C19orf73: variants seen among roughly 807,000 people sequenced by gnomAD.
C19orf73 encodes putative uncharacterized protein C19orf73.
For synonymous variants in C19orf73, 86 were observed against 79.1 expected, an observed-to-expected ratio of 1.09 and a Z score of -0.46; for missense variants, 211 against 177.6, an observed-to-expected ratio of 1.19 and a Z score of -1.07.
rs1273924582 is a variant in C19orf73 at position 49,118,689 on chromosome 19, C to A, written c.334G>T (p.Ala112Ser). The stretch of plus-strand genomic sequence containing the variant: ...CCCAGTCTGGGTCTGAGTGCTGGGG[C>A]AGAACTGAGGACAACGCTGCCTACC... ...LRVGSVVLSS[A>S]PALRPRLGPC... Residue 112 changes from alanine to serine, a missense_variant, in exon 1 of 1, where the codon GCC becomes TCC. Coordinates refer to ENST00000408991, the MANE Select transcript of C19orf73 (RefSeq NM_018111.3). The A allele has an allele frequency of 6.2e-7, 1 of 1,613,958 alleles. No homozygotes were observed. The highest frequency in any genetic ancestry group is 8.5e-7 in the Non-Finnish European group (1 of 1,179,844).
At position 49,118,605 on chromosome 19, in the gene C19orf73, A is replaced by G; in HGVS notation, c.*28T>C. On this transcript the variant is annotated 3_prime_UTR_variant, in exon 1 of 1. Transcript: ENST00000408991. ...GGTTAAGACCTCTCCCTAGGTCTGAAGGCGGAGACAGGCCGGCTTCCAAGA... is the reference window on the plus strand; with the variant it reads ...GGTTAAGACCTCTCCCTAGGTCTGAGGGCGGAGACAGGCCGGCTTCCAAGA... 1 of 1,592,918 alleles carries G rather than the reference A, an allele frequency of 6.3e-7. No homozygotes were observed. Among genetic ancestry groups the G allele is most frequent in the Non-Finnish European group, 8.6e-7 (1 of 1,168,002 alleles).
rs2040888485 is a variant in C19orf73 at position 49,119,077 on chromosome 19, A to C, written c.-55T>G. The C allele has an allele frequency of 6.2e-7, 1 of 1,605,544 alleles. No individual in the cohort carries two copies. Among genetic ancestry groups the C allele is most frequent in the Non-Finnish European group, 8.5e-7 (1 of 1,175,654 alleles). The stretch of plus-strand genomic sequence containing the variant: ...TGCGGCGCGAGGGCTAGTGCGCGCC[A>C]CTGCCGGGAGCCGGGGTCGCGACTC... On this transcript the variant is annotated 5_prime_UTR_variant, in exon 1 of 1. Transcript: ENST00000408991.
In C19orf73 at chr19:49,118,850, C is replaced by T; in HGVS notation, c.173G>A (p.Arg58Gln). The change falls in exon 1 of 1, where the codon CGG becomes CAG. Residue 58 changes from arginine to glutamine, a missense_variant. Arg to Gln is a conservative substitution (Grantham distance 43). Transcript: ENST00000408991. Reference sequence around the variant, plus strand: ...CGTCCGCCGGGGGAACCCTGCAGGCCGCACTACTGTCTGCGTGGGAGTCGC... The same window carrying T: ...CGTCCGCCGGGGGAACCCTGCAGGCTGCACTACTGTCTGCGTGGGAGTCGC... ...PPATPTQTVV[R>Q]PAGFPRRTRL... is the part of the protein sequence containing the mutation. 1.2e-6 allele frequency: 2 copies of T among 1,613,166 alleles called. No homozygotes were observed. The highest frequency in any genetic ancestry group is 1.7e-6 in the Non-Finnish European group (2 of 1,179,434).
In C19orf73 at chr19:49,118,570, T is replaced by C. The variant is rs2040876754; in HGVS notation, c.*63A>G. ...CCGTTGAGAAGCCTTTTCCAGAGTC[T>C]GAGAACAGAGGTTAAGACCTCTCCC... On this transcript the variant is annotated 3_prime_UTR_variant, in exon 1 of 1. Transcript: ENST00000408991. 3 of 1,573,772 alleles carry C rather than the reference T, an allele frequency of 1.9e-6. No individual in the cohort carries two copies. Among genetic ancestry groups the C allele is most frequent in the Non-Finnish European group, 2.6e-6 (3 of 1,158,682 alleles).
In C19orf73 at chr19:49,118,711, T is replaced by C. The variant is rs755673532; in HGVS notation, c.312A>G (p.Val104=). Residue 104 remains valine (V), a synonymous_variant, in exon 1 of 1, where the codon GTA becomes GTG. Coordinates refer to ENST00000408991, the MANE Select transcript of C19orf73 (RefSeq NM_018111.3). ...GGGCAGAACTGAGGACAACGCTGCCTACCCTTAAGAGCGTCTGAGGGCGAA... is the reference window on the plus strand; with the variant it reads ...GGGCAGAACTGAGGACAACGCTGCCCACCCTTAAGAGCGTCTGAGGGCGAA... ...LGLRPQTLLR[V]GSVVLSSAPA... The C allele has an allele frequency of 1.2e-6, 2 of 1,614,078 alleles. No individual in the cohort carries two copies. Among genetic ancestry groups the C allele is most frequent in the East Asian group, 2.2e-5 (1 of 44,884 alleles).
rs781155238 is a variant in C19orf73 at position 49,118,425 on chromosome 19, G to T, written c.*208C>A. ...ACTCTCTTCCTGTACAGTATTTATT[G>T]TTCCTGGCACTTTATTTAAAGATAT... is the stretch of plus-strand genomic sequence containing the variant. On this transcript the variant is annotated 3_prime_UTR_variant, in exon 1 of 1. Transcript: ENST00000408991. 1 of 1,603,982 alleles carries T rather than the reference G, an allele frequency of 6.2e-7. No homozygotes were observed. The highest frequency in any genetic ancestry group is 1.3e-5 in the African/African-American group (1 of 74,696).
rs1164316292 is a variant in C19orf73 at position 49,118,993 on chromosome 19, C to T, written c.30G>A (p.Gly10=). MRLKVGFQG[G]GCFRKDALCL... ...ACAGCGCGTCTTTCCGGAAGCAGCCCCCGCCTTGAAATCCAACCTTTAGCC... is the reference window on the plus strand; with the variant it reads ...ACAGCGCGTCTTTCCGGAAGCAGCCTCCGCCTTGAAATCCAACCTTTAGCC... Residue 10 remains glycine (G), a synonymous_variant, in exon 1 of 1, where the codon GGG becomes GGA. Coordinates refer to ENST00000408991, the MANE Select transcript of C19orf73 (RefSeq NM_018111.3). 2 of 1,613,730 alleles carry T rather than the reference C, an allele frequency of 1.2e-6. No individual in the cohort carries two copies. The highest frequency in any genetic ancestry group is 1.7e-6 in the Non-Finnish European group (2 of 1,179,856).
chr19:49,118,694 C>T lies in C19orf73; in HGVS notation c.329G>A (p.Ser110Asn). The T allele has an allele frequency of 1.2e-6, 2 of 1,614,026 alleles. No homozygotes were observed. Among genetic ancestry groups the T allele is most frequent in the Non-Finnish European group, 1.7e-6 (2 of 1,179,894 alleles). ...TCTGGGTCTGAGTGCTGGGGCAGAA[C>T]TGAGGACAACGCTGCCTACCCTTAA... Reference protein sequence around the residue: ...TLLRVGSVVLSSAPALRPRLG... With the variant: ...TLLRVGSVVLNSAPALRPRLG... Residue 110 changes from serine to asparagine, a missense_variant, in exon 1 of 1, where the codon AGT becomes AAT. Coordinates refer to ENST00000408991, the MANE Select transcript of C19orf73 (RefSeq NM_018111.3).
At position 49,118,571 on chromosome 19, in the gene C19orf73, G is replaced by C; in HGVS notation, c.*62C>G. ...CGTTGAGAAGCCTTTTCCAGAGTCT[G>C]AGAACAGAGGTTAAGACCTCTCCCT... On this transcript the variant is annotated 3_prime_UTR_variant, in exon 1 of 1. Coordinates refer to ENST00000408991, the MANE Select transcript of C19orf73 (RefSeq NM_018111.3). 1 of 1,573,390 alleles carries C rather than the reference G, an allele frequency of 6.4e-7. No homozygotes were observed.
At position 49,118,998 on chromosome 19, in the gene C19orf73, C is replaced by T. The variant is rs759376579; in HGVS notation, c.25G>A (p.Gly9Ser). 4.3e-5 allele frequency: 70 copies of T among 1,613,592 alleles called. No individual in the cohort carries two copies. In the South Asian group the frequency reaches 7.1e-4, roughly 16 times the overall value. The change falls in exon 1 of 1, where the codon GGC (glycine) becomes AGC (serine). Residue 9 changes from glycine to serine, a missense_variant. By Grantham distance (56) the Gly-to-Ser change is moderately conservative (BLOSUM62 0). Coordinates refer to ENST00000408991, the MANE Select transcript of C19orf73 (RefSeq NM_018111.3). ...GCGTCTTTCCGGAAGCAGCCCCCGCCTTGAAATCCAACCTTTAGCCTCATC... is the reference window on the plus strand; with the variant it reads ...GCGTCTTTCCGGAAGCAGCCCCCGCTTTGAAATCCAACCTTTAGCCTCATC... MRLKVGFQ[G>S]GGCFRKDALC... is the part of the protein sequence containing the mutation.
the C19orf73 span, chr19:49,118,640 G>T: frequency 1.2e-6 from 2 of 1,607,616 alleles, no homozygotes; most frequent in Non-Finnish European, 1.7e-6. Flanking sequence ...AGACTAGTCC[G>T]AGGGCGGAGG....
rs2040889953 is a variant in C19orf73 at position 49,119,133 on chromosome 19, G to A, written c.-111C>T. ...CCACGCCGCGCGCTACTCGCTCCAG[G>A]TGACATCATCCCCCTGCCGGGCTCC... On this transcript the variant is annotated 5_prime_UTR_variant, in exon 1 of 1. Coordinates refer to ENST00000408991, the MANE Select transcript of C19orf73 (RefSeq NM_018111.3). 4.1e-6 allele frequency: 6 copies of A among 1,469,610 alleles called. No individual in the cohort carries two copies. The highest frequency in any genetic ancestry group is 1.3e-5 in the South Asian group (1 of 78,554). 91.0% of individuals were successfully genotyped at this position (1,469,610 alleles called of 1,614,324 possible).
Position 49,118,828 on chromosome 19 carries a change from C to T in C19orf73, c.195G>A (p.Arg65=). The T allele has an allele frequency of 6.2e-7, 1 of 1,613,898 alleles. No homozygotes were observed. Among genetic ancestry groups the T allele is most frequent in the Non-Finnish European group, 8.5e-7 (1 of 1,179,904 alleles). Residue 65 remains arginine (R), a synonymous_variant, in exon 1 of 1, where the codon CGG becomes CGA. Transcript: ENST00000408991. ...TVVRPAGFPR[R]TRLMVRSAPP... is the part of the protein sequence containing the mutation. ...GGGCGGAGCGAACCATTAGCCTCGT[C>T]CGCCGGGGGAACCCTGCAGGCCGCA... is the stretch of plus-strand genomic sequence containing the variant.
chr19:49,118,637 TCCGAGGG>T, the C19orf73 span: 2 of 1,608,124 alleles, frequency 1.2e-6, no homozygotes, highest in Non-Finnish European at 1.7e-6. Flanking sequence ...AAGAGACTAG[TCCGAGGG>T]CGGAGGGCGG....
At chr19:49,118,878 G>GT in the C19orf73 span, 27 of 1,613,006 alleles carry the variant, frequency 1.7e-5, no homozygotes, top group Non-Finnish European at 2.3e-5. Context: ...GGAGTCGCGG[G>GT]TGGGGGTGCC....
rs566862240 is a variant in C19orf73 at position 49,118,407 on chromosome 19, TC to T, written c.*225del. 258 of 1,611,660 alleles carry T rather than the reference TC, an allele frequency of 1.6e-4. 13 individuals are homozygous for T. In the South Asian group the frequency reaches 2.7e-3, roughly 17 times the overall value. On this transcript the variant is annotated 3_prime_UTR_variant, in exon 1 of 1. Transcript: ENST00000408991. ...ATCTGGACGTTCACGTGCACTCTCT[TC>T]CTGTACAGTATTTATTGTTCCTGGC...
In C19orf73 at chr19:49,118,565, G is replaced by A. The variant is rs2040876638; in HGVS notation, c.*68C>T. 1.3e-5 allele frequency: 21 copies of A among 1,572,366 alleles called. No homozygotes were observed. The highest frequency in any genetic ancestry group is 1.7e-5 in the Non-Finnish European group (20 of 1,157,828). ...CCAAGCCGTTGAGAAGCCTTTTCCA[G>A]AGTCTGAGAACAGAGGTTAAGACCT... On this transcript the variant is annotated 3_prime_UTR_variant, in exon 1 of 1. Transcript: ENST00000408991.
rs917145530 is a variant in C19orf73, at chr19:49,119,095, C to T, written c.-73G>A. On this transcript the variant is annotated 5_prime_UTR_variant, in exon 1 of 1. Coordinates refer to ENST00000408991, the MANE Select transcript of C19orf73 (RefSeq NM_018111.3). The stretch of plus-strand genomic sequence containing the variant: ...GCGCGCCACTGCCGGGAGCCGGGGT[C>T]GCGACTCGCGTTCCACGCCGCGCGC... 1.9e-6 allele frequency: 3 copies of T among 1,591,722 alleles called. No individual in the cohort carries two copies. Among genetic ancestry groups the T allele is most frequent in the Admixed American group, 3.5e-5 (2 of 56,544 alleles).
chr19:49,118,576 C>T lies in C19orf73; in HGVS notation c.*57G>A. Reference sequence around the variant, plus strand: ...AGAAGCCTTTTCCAGAGTCTGAGAACAGAGGTTAAGACCTCTCCCTAGGTC... The same window carrying T: ...AGAAGCCTTTTCCAGAGTCTGAGAATAGAGGTTAAGACCTCTCCCTAGGTC... On this transcript the variant is annotated 3_prime_UTR_variant, in exon 1 of 1. Transcript: ENST00000408991. The T allele has an allele frequency of 1.3e-6, 2 of 1,574,618 alleles. No individual in the cohort carries two copies. Among genetic ancestry groups the T allele is most frequent in the Non-Finnish European group, 1.7e-6 (2 of 1,158,918 alleles).
Sources: gnomAD v4.1 joint callset for allele counts on GRCh38, gnomAD v4.1.1 for gene constraint, MANE v1.5 for transcripts, NCBI Gene and HGNC (gene_info 2026-07-23, HGNC 2026-07-21) for gene names.